Variants in CCPG1 observed in about 807,000 individuals in gnomAD.
CCPG1 encodes cell cycle progression 1.
A neutral mutation model predicts 81.3 loss-of-function variants in CCPG1; 46 were observed. That is an observed-to-expected ratio of 0.57 (90% CI 0.45 to 0.72). CCPG1 has a LOEUF of 0.72. CCPG1 is among the 30% of genes least tolerant of loss of function. The pLI is 0.00. For missense variants in CCPG1, 902 were observed against 937.6 expected, an observed-to-expected ratio of 0.96 and a Z score of 0.50; for synonymous variants, 330 against 305.2, an observed-to-expected ratio of 1.08 and a Z score of -0.85.
intron 2 of CCPG1, 66 bp from the exon 3 acceptor site, chr15:55,385,780 T>C (rs759872420): frequency 5.0e-6 from 4 of 795,324 alleles, no homozygotes; most frequent in African/African-American, 1.7e-5. Context: ...TTTGACTACA[T>C]GTAAATGCTT....
intron 3 of CCPG1, among the ~76,000 whole-genome samples, chr15:55,379,059 G>A (rs891390697): frequency 3.3e-5 from 5 of 150,316 alleles, no homozygotes; most frequent in Non-Finnish European, 5.9e-5. Flanking sequence ...AAGTTTATTC[G>A]AAGTTTCTAA....
intron 1 of CCPG1, among the ~76,000 whole-genome samples, chr15:55,395,624 G>A (rs766842581): frequency 1.6e-4 from 24 of 151,790 alleles, no homozygotes; most frequent in Admixed American, 4.6e-4. Context: ...AAACTCCTCT[G>A]CTTGTCTCAG....
rs1166172188 is a variant in CCPG1, at chr15:55,388,938, G to A, written c.60+427C>T. Reference sequence around the variant, plus strand: ...CAAAAATTAGCTGGGCATGGTAGCAGGCACCTGTAATTCCAGCTACTCAGG... The same window carrying A: ...CAAAAATTAGCTGGGCATGGTAGCAAGCACCTGTAATTCCAGCTACTCAGG... On this transcript the variant is annotated intron_variant, in intron 2 of 8. Transcript: ENST00000442196. Among the ~76,000 whole-genome samples the A allele has an allele frequency of 9.9e-5, 15 of 151,340 alleles. 1 individual carries two copies. The highest frequency in any genetic ancestry group is 9.9e-4 in the Admixed American group (15 of 15,160).
intron 3 of CCPG1, among the ~76,000 whole-genome samples, chr15:55,380,156 A>T (rs1185401437): frequency 6.6e-6 from 1 of 151,854 alleles, no homozygotes; most frequent in African/African-American, 2.4e-5. Flanking sequence ...AAAATAATAT[A>T]ACATATAAAT....
chr15:55,368,259 A>C (rs2056372292), intron 6 of CCPG1, among the ~76,000 whole-genome samples: 1 of 152,068 alleles, frequency 6.6e-6, no homozygotes, highest in African/African-American at 2.4e-5. Context: ...AAATACCTAC[A>C]CTCTGCTGTA....
rs573740676 is a variant in CCPG1, at chr15:55,376,657, A to G, written c.454+292T>C. On this transcript the variant is annotated intron_variant, in intron 5 of 8. Transcript: ENST00000442196. ...AATCTCCCACTCTTAAAGATCTAAA[A>G]AGCACCAAAAGAATTTTGGAGCATT... 1.1e-4 allele frequency among the ~76,000 whole-genome samples: 16 copies of G among 152,330 alleles called. No homozygotes were observed. In the South Asian group the frequency reaches 2.9e-3, roughly 28 times the overall value.
intron 6 of CCPG1, 106 bp from the exon 7 acceptor site, chr15:55,365,415 TTTTG>T (rs375912311): frequency 2.3e-3 from 1,600 of 683,986 alleles, no homozygotes; most frequent in East Asian, 3.4e-3. Context: ...GTAGTCTTTT[TTTTG>T]TTTTTTTTTT....
At chr15:55,374,490 A>T (rs1312791633) in intron 5 of CCPG1, among the ~76,000 whole-genome samples, 3 of 152,150 alleles carry the variant, frequency 2.0e-5, no homozygotes, top group African/African-American at 7.2e-5. Flanking sequence ...ACCCAACAAA[A>T]CGTACACTGC....
chr15:55,395,546 C>T (rs1019292634), intron 1 of CCPG1, among the ~76,000 whole-genome samples: 6 of 152,060 alleles, frequency 3.9e-5, no homozygotes, highest in African/African-American at 1.4e-4. Context: ...CCTCAAAATG[C>T]TTGGCTTTGT....
At chr15:55,395,730 G>GT (rs2057004127) in intron 1 of CCPG1, among the ~76,000 whole-genome samples, 2 of 152,104 alleles carry the variant, frequency 1.3e-5, no homozygotes, top group Admixed American at 1.3e-4. Context: ...ATATTGTGCT[G>GT]TAATTGCTTG....
At chr15:55,390,547 T>A (rs1394328809) in intron 1 of CCPG1, among the ~76,000 whole-genome samples, 1 of 152,228 alleles carries the variant, frequency 6.6e-6, no homozygotes, top group African/African-American at 2.4e-5. Flanking sequence ...GAAGACAATA[T>A]GGAACTAGTG....
chr15:55,372,792 G>C, intron 5 of CCPG1: 1 of 347,670 alleles, frequency 2.9e-6, no homozygotes, highest in Non-Finnish European at 5.9e-6. Flanking sequence ...ACACAGGAAA[G>C]TACACAAGCA....
intron 1 of CCPG1, among the ~76,000 whole-genome samples, chr15:55,406,216 C>CTTTTTT (rs35010457): frequency 7.3e-6 from 1 of 137,034 alleles, no homozygotes; most frequent in Non-Finnish European, 1.6e-5. Context: ...GGAATTGCTG[C>CTTTTTT]TTTTTTTTTT....
intron 3 of CCPG1, among the ~76,000 whole-genome samples, chr15:55,381,989 T>G (rs545394002): frequency 4.6e-5 from 7 of 152,244 alleles, no homozygotes; most frequent in Non-Finnish European, 1.0e-4. Flanking sequence ...AATAACATCA[T>G]GTCTAAAAAA....
intron 1 of CCPG1, among the ~76,000 whole-genome samples, chr15:55,391,483 T>C (rs958654023): frequency 5.3e-5 from 8 of 152,216 alleles, no homozygotes; most frequent in Non-Finnish European, 1.5e-5. Context: ...AAGTTTATGA[T>C]ATGTATCAAT....
rs1038358422 is a variant in CCPG1 at position 55,378,374 on chromosome 15, T to C, written c.178A>G (p.Ser60Gly). The change falls in exon 4 of 9, where the codon AGC (serine) becomes GGC (glycine). Residue 60 changes from serine to glycine, a missense_variant and splice_region_variant. Coordinates refer to ENST00000442196, the MANE Select transcript of CCPG1 (RefSeq NM_001204450.2). ...LQALQIEQGE[S>G]SQNGTVLMEE... ...ATAAGCACTGTGCCATTTTGGCTGC[T>C]TTCTGATATAAAGCAAAGATCAATA... 1 of 1,599,882 alleles carries C rather than the reference T, an allele frequency of 6.3e-7. No individual in the cohort carries two copies. The highest frequency in any genetic ancestry group is 8.5e-7 in the Non-Finnish European group (1 of 1,169,936).
At chr15:55,359,324 A>G in intron 8 of CCPG1, 11 of 1,238,374 alleles carry the variant, frequency 8.9e-6, no homozygotes, top group Non-Finnish European at 1.1e-5. Flanking sequence ...CCATTTGCTC[A>G]AGTCAAAGTG....
chr15:55,376,197 C>T (rs545034409), intron 5 of CCPG1, among the ~76,000 whole-genome samples: 26 of 152,276 alleles, frequency 1.7e-4, no homozygotes, highest in East Asian at 1.4e-3. Flanking sequence ...CCATAACTCA[C>T]GCTTAGTTAT....
Position 55,371,846 on chromosome 15 carries a change from C to T in CCPG1, c.653G>A (p.Cys218Tyr). ...KRQFSSGLNKCVILALVIAIS... is the reference protein window; with the variant it reads ...KRQFSSGLNKYVILALVIAIS... ...TGCAATCACCAAAGCAAGTATAACA[C>T]ACTTATTGAGACCACTACTGAACTG... Residue 218 changes from cysteine to tyrosine, a missense_variant, in exon 6 of 9, where the codon TGT becomes TAT. Coordinates refer to ENST00000442196, the MANE Select transcript of CCPG1 (RefSeq NM_001204450.2). The T allele has an allele frequency of 6.2e-7, 1 of 1,614,144 alleles. No individual in the cohort carries two copies. Among genetic ancestry groups the T allele is most frequent in the Non-Finnish European group, 8.5e-7 (1 of 1,180,002 alleles).
Sources: gnomAD v4.1 joint callset for allele counts (sites outside exome capture counted in the v4.1 genomes callset) on GRCh38, gnomAD v4.1.1 for gene constraint, MANE v1.5 for transcripts, NCBI Gene and HGNC (gene_info 2026-07-23, HGNC 2026-07-21) for gene names.